UBR4: variants seen among roughly 807,000 people sequenced by gnomAD.
The protein encoded by UBR4 is ubiquitin protein ligase E3 component n-recognin 4.
Under a neutral mutation model 575.6 loss-of-function variants are expected in UBR4, and 124 were observed. That is an observed-to-expected ratio of 0.22 (90% CI 0.19 to 0.25). UBR4 has a LOEUF of 0.25. Ranked by LOEUF, UBR4 falls within the 10% of genes least tolerant of loss-of-function variation. UBR4 has a pLI of 1.00. For missense variants in UBR4, 4,818 were observed against 6,478.8 expected (o/e 0.74, Z 8.80); for synonymous variants, 2,455 against 2,473.7 (o/e 0.99, Z 0.22).
In UBR4 at chr1:19,094,926, C is replaced by T. The variant is rs2077882129; in HGVS notation, c.13726G>A (p.Glu4576Lys). The change falls in exon 94 of 106, where the codon GAG becomes AAG. Residue 4576 changes from glutamate (E) to lysine (K), a missense_variant. Physicochemically the swap from Glu to Lys is moderately conservative, Grantham distance 56. Transcript: ENST00000375254. ...MEIILDESNA[E>K]PLSEDKGNLL... ...CTCACCTTGTCCTCACTCAGGGGCT[C>T]AGCATTGGACTCATCTAGAATGATC... is the stretch of plus-strand genomic sequence containing the variant. The T allele has an allele frequency of 6.2e-7, 1 of 1,613,828 alleles. No individual in the cohort carries two copies. The highest frequency in any genetic ancestry group is 2.2e-5 in the East Asian group (1 of 44,876).
At chr1:19,162,087 G>C (rs951951450) in intron 35 of UBR4, among the ~76,000 whole-genome samples, 190 bp from the exon 36 acceptor site, 2 of 152,328 alleles carry the variant, frequency 1.3e-5, no homozygotes, top group South Asian at 2.1e-4. Flanking sequence ...TGAGATCTTA[G>C]GGGTTTGTGG....
At position 19,177,446 on chromosome 1, in the gene UBR4, C is replaced by T. The variant is rs201658846; in HGVS notation, c.2637+15G>A. 1.6e-4 allele frequency: 262 copies of T among 1,603,712 alleles called. No homozygotes were observed. The highest frequency in any genetic ancestry group is 9.9e-4 in the Middle Eastern group (6 of 6,034). On this transcript the variant is annotated intron_variant, in intron 19 of 105. Coordinates refer to ENST00000375254, the MANE Select transcript of UBR4 (RefSeq NM_020765.3). Reference sequence around the variant, plus strand: ...TCAGTAATGGTGAAGCAAAAAAGAACGTGTTGGTCTGTACCTGCTCAAATA... The same window carrying T: ...TCAGTAATGGTGAAGCAAAAAAGAATGTGTTGGTCTGTACCTGCTCAAATA...
At position 19,174,310 on chromosome 1, in the gene UBR4, T is replaced by C. The variant is rs2150969091; in HGVS notation, c.2982+9A>G. ...AACCCAAAGACTTCTCAGGGTTCCA[T>C]GGTCTTACCAAGGCTGTTACATTCT... On this transcript the variant is annotated intron_variant, in intron 22 of 105. Coordinates refer to ENST00000375254, the MANE Select transcript of UBR4 (RefSeq NM_020765.3). The C allele has an allele frequency of 6.2e-7, 1 of 1,606,318 alleles. No homozygotes were observed. The highest frequency in any genetic ancestry group is 2.2e-5 in the East Asian group (1 of 44,808).
At position 19,186,597 on chromosome 1, in the gene UBR4, C is replaced by T. The variant is rs2091548050; in HGVS notation, c.1693G>A (p.Asp565Asn). 2.5e-6 allele frequency: 4 copies of T among 1,614,094 alleles called. No homozygotes were observed. Among genetic ancestry groups the T allele is most frequent in the African/African-American group, 1.3e-5 (1 of 75,030 alleles). Residue 565 changes from aspartate to asparagine, a missense_variant, in exon 14 of 106, where the codon GAC (aspartate) becomes AAC (asparagine). Asp to Asn is a conservative substitution (Grantham distance 23). Coordinates refer to ENST00000375254, the MANE Select transcript of UBR4 (RefSeq NM_020765.3). Reference sequence around the variant, plus strand: ...TCGTCCTCATAGTAAGTATTGGAGTCGGTGGAGGCGCTGGCATCGCTGCTC... The same window carrying T: ...TCGTCCTCATAGTAAGTATTGGAGTTGGTGGAGGCGCTGGCATCGCTGCTC... ...SMSSDASAST[D>N]SNTYYEDDFS...
intron 55 of UBR4, among the ~76,000 whole-genome samples, chr1:19,143,105 G>GAGAA (rs1299648177): frequency 7.7e-5 from 11 of 142,422 alleles, no homozygotes; most frequent in African/African-American, 2.3e-4. Context: ...GAGAGAGAGA[G>GAGAA]AGAAAGAAAG....
chr1:19,210,084 T>G lies in UBR4; in HGVS notation c.165A>C (p.Ser55=). ...EMKELPQLVA[S]VIESESEILH... is the part of the protein sequence containing the mutation. ...CCGCCGCCCGGTACCTCTCGATGACTGAGGCCACCAGCTGCGGCAACTCCT... is the reference window on the plus strand; with the variant it reads ...CCGCCGCCCGGTACCTCTCGATGACGGAGGCCACCAGCTGCGGCAACTCCT... The change falls in exon 1 of 106, where the codon TCA becomes TCC. Residue 55 remains serine (S), a synonymous_variant. Transcript: ENST00000375254. The G allele has an allele frequency of 6.4e-7, 1 of 1,569,464 alleles. No individual in the cohort carries two copies. Among genetic ancestry groups the G allele is most frequent in the Non-Finnish European group, 8.6e-7 (1 of 1,160,358 alleles).
Position 19,164,988 on chromosome 1 carries a change from C to T in UBR4, c.4322G>A (p.Ser1441Asn). The change falls in exon 32 of 106, where the codon AGC (serine) becomes AAC (asparagine). Residue 1441 changes from serine (S) to asparagine (N), a missense_variant. Transcript: ENST00000375254. ...GAGATGCAACAGGCTCGGGTTAGGG[C>T]TCTTCTCAGCTAGGAGCAGAACAAG... ...FTKLFQLTEK[S>N]PNPSLLHLCG... The T allele has an allele frequency of 6.2e-7, 1 of 1,613,876 alleles. No individual in the cohort carries two copies. The highest frequency in any genetic ancestry group is 1.7e-5 in the Admixed American group (1 of 59,992).
rs192758734 is a variant in UBR4 at position 19,159,110 on chromosome 1, C to T, written c.5577+1001G>A. ...GCAGTAAGCTGAGATCATGCCACTG[C>T]ACTCCAGCCTAGGTGACAGAGCAAG... On this transcript the variant is annotated intron_variant, in intron 39 of 105. Coordinates refer to ENST00000375254, the MANE Select transcript of UBR4 (RefSeq NM_020765.3). Among the ~76,000 whole-genome samples the T allele has an allele frequency of 8.5e-5, 13 of 152,310 alleles. No individual in the cohort carries two copies. The East Asian group carries it at 1.9e-3, about 23-fold the overall frequency.
chr1:19,159,316 AAAGTGAATAATGACTT>A (rs1344108072), intron 39 of UBR4, among the ~76,000 whole-genome samples: 1 of 152,250 alleles, frequency 6.6e-6, no homozygotes, highest in Non-Finnish European at 1.5e-5. Context: ...AGCAGGTTTT[AAAGTGAATAATGACTT>A]ATACCTTATA....
chr1:19,199,856 G>A (rs568784828), intron 2 of UBR4, 102 bp from the exon 3 acceptor site: 26 of 1,111,640 alleles, frequency 2.3e-5, no homozygotes, highest in Admixed American at 4.4e-5. Context: ...TCCCAATATC[G>A]TAACAATTAT....
In UBR4 at chr1:19,107,369, C is replaced by T. The variant is rs528654351; in HGVS notation, c.12106-403G>A. On this transcript the variant is annotated intron_variant, in intron 81 of 105. Coordinates refer to ENST00000375254, the MANE Select transcript of UBR4 (RefSeq NM_020765.3). ...AGAGAGAGAGCCACAGATGACACTC[C>T]AGTCCAGCGTGTCTCAAGCTGTTTG... Among the ~76,000 whole-genome samples, 3 of 152,292 alleles carry T rather than the reference C, an allele frequency of 2.0e-5. No homozygotes were observed. In the East Asian group the frequency reaches 5.8e-4, roughly 29 times the overall value.
At chr1:19,180,242 G>A (rs1241496482) in intron 17 of UBR4, among the ~76,000 whole-genome samples, 5 of 151,886 alleles carry the variant, frequency 3.3e-5, no homozygotes, top group Non-Finnish European at 7.4e-5. Context: ...AGGCAGGAGT[G>A]CGGTTGCACG....
chr1:19,081,225 G>C, intron 103 of UBR4, 124 bp downstream of exon 103: 1 of 818,918 alleles, frequency 1.2e-6, no homozygotes, highest in Non-Finnish European at 1.9e-6. Context: ...GAAGGGAGAA[G>C]GGCTGGTGTC....
Position 19,144,895 on chromosome 1 carries a change from A to T in UBR4, c.7958T>A (p.Ile2653Asn). 6.2e-7 allele frequency: 1 copy of T among 1,614,094 alleles called. No homozygotes were observed. The highest frequency in any genetic ancestry group is 8.5e-7 in the Non-Finnish European group (1 of 1,179,984). Reference protein sequence around the residue: ...APACLPGLTHIEATVNALVDI... With the variant: ...APACLPGLTHNEATVNALVDI... ...CACCAGAGCATTGACAGTAGCTTCA[A>T]TATGAGTTAGTCCTAAAGGAGAGAC... is the stretch of plus-strand genomic sequence containing the variant. Residue 2653 changes from isoleucine to asparagine, a missense_variant, in exon 54 of 106, where the codon ATT (isoleucine) becomes AAT (asparagine). Ile to Asn is a moderately radical substitution (Grantham distance 149, BLOSUM62 -3). This residue lies in a region of UBR4 where 340 missense variants were observed against 375.4 expected (regional missense o/e 0.91). Transcript: ENST00000375254.
chr1:19,076,670 G>T (rs2075973748), intron 105 of UBR4, 70 bp downstream of exon 105: 1 of 1,601,554 alleles, frequency 6.2e-7, no homozygotes, highest in Admixed American at 1.7e-5. Flanking sequence ...TAAAGCTACG[G>T]ATGACCCACG....
intron 69 of UBR4, 45 bp downstream of exon 69, chr1:19,120,135 G>T: frequency 6.2e-7 from 1 of 1,601,802 alleles, no homozygotes; most frequent in Non-Finnish European, 8.5e-7. Context: ...TACGCACCCT[G>T]GCCTCACACC....
At chr1:19,114,746 C>T (rs1570651400) in intron 75 of UBR4, 65 bp downstream of exon 75, 9 of 1,598,536 alleles carry the variant, frequency 5.6e-6, no homozygotes, top group East Asian at 2.2e-5. Context: ...CACTGCACTG[C>T]ACCAGGTCTG....
At chr1:19,094,828 C>T in intron 94 of UBR4, 78 bp downstream of exon 94, 1 of 1,566,062 alleles carries the variant, frequency 6.4e-7, no homozygotes, top group Non-Finnish European at 8.6e-7. Context: ...CTAAGCCAGA[C>T]ACAAACAGGC....
rs777714080 is a variant in UBR4 at position 19,177,477 on chromosome 1, A to C, written c.2621T>G (p.Val874Gly). The change falls in exon 19 of 106, where the codon GTG (valine) becomes GGG (glycine). Residue 874 changes from valine (V) to glycine (G), a missense_variant. This residue lies in a region of UBR4 where 1,172 missense variants were observed against 1,259.7 expected (regional missense o/e 0.93). Coordinates refer to ENST00000375254, the MANE Select transcript of UBR4 (RefSeq NM_020765.3). Reference protein sequence around the residue: ...YLLHQYSKAPVYLFEQVQHNL... With the variant: ...YLLHQYSKAPGYLFEQVQHNL... ...GGTCTGTACCTGCTCAAATAGATAC[A>C]CAGGGGCTTTGGAGTACTGATGAAG... 1.9e-6 allele frequency: 3 copies of C among 1,614,046 alleles called. No individual in the cohort carries two copies. In the African/African-American group the frequency reaches 4.0e-5, roughly 22 times the overall value.
Sources: allele counts gnomAD v4.1 joint callset (sites outside exome capture counted in the v4.1 genomes callset), GRCh38; gene constraint gnomAD v4.1.1; regional missense constraint gnomAD v4.1.1; transcripts MANE v1.5; gene names NCBI Gene and HGNC (gene_info 2026-07-23, HGNC 2026-07-21).